CACNA1A: variants seen among roughly 807,000 people sequenced by gnomAD.
CACNA1A encodes the protein voltage-dependent P/Q-type calcium channel subunit alpha-1A.
CACNA1A carries 57 observed loss-of-function variants against 262.4 expected under a neutral mutation model. The observed-to-expected ratio is 0.22, with a 90% CI of 0.18 to 0.27. The LOEUF (loss-of-function observed/expected upper bound fraction) is 0.27, where lower values mean the gene tolerates loss of function less well. Among genes scored for constraint, CACNA1A ranks in the 10% least tolerant of loss-of-function variants. The pLI, the probability that CACNA1A is intolerant of heterozygous loss-of-function variation, is 1.00. For missense variants in CACNA1A, 2,526 were observed against 3,562.8 expected, an observed-to-expected ratio of 0.71 and a Z score of 7.41; for synonymous variants, 1,431 against 1,419.3, an observed-to-expected ratio of 1.01 and a Z score of -0.18.
intron 19 of CACNA1A, among the ~76,000 whole-genome samples, chr19:13,288,812 C>T (rs2144898964): frequency 6.6e-6 from 1 of 152,274 alleles, no homozygotes; most frequent in Admixed American, 6.5e-5. Flanking sequence ...AAATAAAAGG[C>T]TGGCTTTCCC....
At chr19:13,363,874 A>C (rs1337988920) in intron 5 of CACNA1A, 1 of 152,208 alleles carries the variant, frequency 6.6e-6, no homozygotes, top group Non-Finnish European at 1.5e-5. Context: ...CCAAATACTG[A>C]AATACTGAAG....
Position 13,308,016 on chromosome 19 carries a change from G to A in CACNA1A, c.1913+104C>T. 2.0e-6 allele frequency: 3 copies of A among 1,496,218 alleles called. No individual in the cohort carries two copies. Among genetic ancestry groups the A allele is most frequent in the Admixed American group, 3.6e-5 (2 of 55,454 alleles). The allele number at this position is 1,496,218 out of a possible 1,614,324, so 92.7% of individuals were successfully genotyped here. A position where few individuals can be genotyped will look rare whatever the true frequency, so the allele number is the denominator to read the frequency against. ...CTGCCCATTTGGGTGACCGCAATGG[G>A]TGTCTGGGCTACGAGGAAGGCAGCC... On this transcript the variant is annotated intron_variant, in intron 14 of 46. Coordinates refer to ENST00000360228, the MANE Select transcript of CACNA1A (RefSeq NM_001127222.2). The surrounding 1 kb of genome is among the most constrained non-coding windows in gnomAD (Gnocchi z 4.2).
intron 38 of CACNA1A, among the ~76,000 whole-genome samples, chr19:13,215,980 G>A: frequency 6.6e-6 from 1 of 152,082 alleles, no homozygotes. Flanking sequence ...GAGTGCCGTG[G>A]CACAAACATA....
At chr19:13,486,366 G>C (rs59709090) in intron 1 of CACNA1A, among the ~76,000 whole-genome samples, 3,658 of 64,290 alleles carry the variant, frequency 0.057, 169 homozygotes, top group East Asian at 0.29. Context: ...GGTTTGTTCT[G>C]TCTCTCTCTC....
chr19:13,337,010 A>G (rs2058589209), intron 6 of CACNA1A, among the ~76,000 whole-genome samples: 1 of 152,236 alleles, frequency 6.6e-6, no homozygotes, highest in African/African-American at 2.4e-5. Flanking sequence ...CACCTTTAAA[A>G]GCATGTATGA....
At chr19:13,328,650 G>A (rs1270153936) in intron 10 of CACNA1A, among the ~76,000 whole-genome samples, 4 of 152,014 alleles carry the variant, frequency 2.6e-5, no homozygotes, top group South Asian at 2.1e-4. Flanking sequence ...GTCATTGTAC[G>A]TAAATGTGCA....
intron 1 of CACNA1A, among the ~76,000 whole-genome samples, chr19:13,492,733 C>G (rs930624059): frequency 6.6e-6 from 1 of 152,066 alleles, no homozygotes; most frequent in African/African-American, 2.4e-5. Context: ...TGGAAAAAAA[C>G]AAAATCCTCA....
intron 22 of CACNA1A, among the ~76,000 whole-genome samples, chr19:13,278,815 T>G (rs2057214938): frequency 6.6e-6 from 1 of 152,130 alleles, no homozygotes; most frequent in Non-Finnish European, 1.5e-5. Context: ...TAACTTATAT[T>G]CCTGTTATAT....
chr19:13,256,949 T>C (rs545714599), intron 28 of CACNA1A: 1 of 162,874 alleles, frequency 6.1e-6, no homozygotes, highest in African/African-American at 2.4e-5. Context: ...GAACTGAACC[T>C]CAGTCTGACA....
rs191392040 is a variant in CACNA1A, at chr19:13,370,038, A to G, written c.631+1650T>C. ...ACTTCACAGGCTTGTTGGGAGGATAAAGGACTTTAAAAAAATGGAAATACT... is the reference window on the plus strand; with the variant it reads ...ACTTCACAGGCTTGTTGGGAGGATAGAGGACTTTAAAAAAATGGAAATACT... On this transcript the variant is annotated intron_variant, in intron 4 of 46. Transcript: ENST00000360228. Among the ~76,000 whole-genome samples, 8 of 152,292 alleles carry G rather than the reference A, an allele frequency of 5.3e-5. No homozygotes were observed. The East Asian group carries it at 1.5e-3, about 29-fold the overall frequency.
intron 14 of CACNA1A, 130 bp from the exon 15 acceptor site, chr19:13,307,984 C>T: frequency 7.2e-7 from 1 of 1,395,970 alleles, no homozygotes; most frequent in East Asian, 2.3e-5. Context: ...GAGTGGTACC[C>T]AGGGCCCTGC....
intron 15 of CACNA1A, among the ~76,000 whole-genome samples, chr19:13,305,392 G>T (rs1359089886): frequency 6.6e-6 from 1 of 152,162 alleles, no homozygotes; most frequent in Non-Finnish European, 1.5e-5. Flanking sequence ...CATACTGAAA[G>T]AACCAAGGGG....
intron 4 of CACNA1A, among the ~76,000 whole-genome samples, chr19:13,370,629 C>T (rs901286079): frequency 2.7e-5 from 4 of 150,420 alleles, no homozygotes; most frequent in African/African-American, 9.8e-5. Context: ...CGCCATGTTG[C>T]CCAGGCTGGT....
At chr19:13,447,093 C>A (rs933649) in intron 3 of CACNA1A, among the ~76,000 whole-genome samples, 51,822 of 151,746 alleles carry the variant, frequency 0.34, 11,145 homozygotes, top group East Asian at 0.6. Flanking sequence ...GAGAATTCAA[C>A]AAGAAAGGAG....
At chr19:13,222,681 C>G (rs1226516303) in intron 38 of CACNA1A, among the ~76,000 whole-genome samples, 1 of 151,508 alleles carries the variant, frequency 6.6e-6, no homozygotes, top group Non-Finnish European at 1.5e-5. Flanking sequence ...AGGCGTGAGC[C>G]AGCGTGCCCG....
At chr19:13,438,197 T>G (rs8108338) in intron 3 of CACNA1A, among the ~76,000 whole-genome samples, 22,681 of 152,130 alleles carry the variant, frequency 0.15, 2,403 homozygotes, top group African/African-American at 0.28. Flanking sequence ...GAAAGGAATC[T>G]GAAAATATGC....
At chr19:13,358,139 C>A (rs534735694) in intron 6 of CACNA1A, among the ~76,000 whole-genome samples, 2 of 152,340 alleles carry the variant, frequency 1.3e-5, no homozygotes, top group African/African-American at 2.4e-5. Flanking sequence ...TGAAGAGGTA[C>A]GTGCAACATG....
chr19:13,465,719 G>A (rs185072952), intron 1 of CACNA1A, among the ~76,000 whole-genome samples: 12 of 151,570 alleles, frequency 7.9e-5, no homozygotes, highest in Admixed American at 7.9e-4. Context: ...GAACACCTGG[G>A]CTCAAGCGAT....
chr19:13,323,586 C>A (rs756856514), intron 10 of CACNA1A, among the ~76,000 whole-genome samples: 4 of 152,122 alleles, frequency 2.6e-5, no homozygotes, highest in Admixed American at 2.0e-4. Context: ...CTTAGCCTCC[C>A]GAGTAGCTGT....
Sources: gnomAD v4.1 joint callset for allele counts (sites outside exome capture counted in the v4.1 genomes callset) on GRCh38, gnomAD v4.1.1 for gene constraint, Gnocchi (gnomAD v3.1) non-coding constraint, MANE v1.5 for transcripts, NCBI Gene and HGNC (gene_info 2026-07-23, HGNC 2026-07-21) for gene names.